NXN: variants seen among roughly 807,000 people sequenced by gnomAD.
The protein encoded by NXN is nucleoredoxin.
Under a neutral mutation model 48.6 loss-of-function variants are expected in NXN, and 16 were observed. The ratio of observed to expected loss-of-function variants is 0.33; its 90% CI spans 0.22 to 0.50. The LOEUF is 0.50. Ranked by LOEUF, NXN falls within the 20% of genes least tolerant of loss-of-function variation. The pLI, the probability that NXN is intolerant of heterozygous loss-of-function variation, is 0.98. For synonymous variants in NXN, 281 were observed against 269.6 expected (o/e 1.04, Z -0.41); for missense variants, 492 against 605.5 (o/e 0.81, Z 1.97).
In NXN at chr17:932,953, C is replaced by CAGCCT. The variant is rs55766590; in HGVS notation, c.360+46365_360+46366insAGGCT. Among the ~76,000 whole-genome samples the CAGCCT allele has an allele frequency of 1.3e-5, 2 of 152,144 alleles. No homozygotes were observed. The highest frequency in any genetic ancestry group is 2.9e-5 in the Non-Finnish European group (2 of 68,020). On this transcript the variant is annotated intron_variant, in intron 1 of 7. Coordinates refer to ENST00000336868, the MANE Select transcript of NXN (RefSeq NM_022463.5). This position sits in a 1 kb window ranked among gnomAD's most constrained non-coding sequence, Gnocchi z 4.1. ...GTGAGCCACCGCGCCCAGCCCAGCC[C>CAGCCT]GTCCTCTTGAACCTGCTCAGTTTCA... is the stretch of plus-strand genomic sequence containing the variant.
Position 932,076 on chromosome 17 carries a change from G to A in NXN, c.360+47243C>T, listed in dbSNP as rs1597252278. On this transcript the variant is annotated intron_variant, in intron 1 of 7. Coordinates refer to ENST00000336868, the MANE Select transcript of NXN (RefSeq NM_022463.5). The surrounding 1 kb of genome is among the most constrained non-coding windows in gnomAD (Gnocchi z 4.1). ...GGAGAATCGCTTGAACCTGGGAGAC[G>A]GAGGTTGCAGTGAGCTGAGATTGCA... Among the ~76,000 whole-genome samples the A allele has an allele frequency of 6.6e-6, 1 of 152,110 alleles. No homozygotes were observed. Among genetic ancestry groups the A allele is most frequent in the South Asian group, 2.1e-4 (1 of 4,816 alleles).
chr17:899,490 G>C (rs1216279822), intron 1 of NXN, among the ~76,000 whole-genome samples: 2 of 152,146 alleles, frequency 1.3e-5, no homozygotes, highest in Non-Finnish European at 2.9e-5. Context: ...GTATTACTGA[G>C]AGCTGCAAAG....
At chr17:858,583 C>A (rs908495013) in intron 1 of NXN, among the ~76,000 whole-genome samples, 1 of 151,862 alleles carries the variant, frequency 6.6e-6, no homozygotes, top group African/African-American at 2.4e-5. Flanking sequence ...AAAAAATTAG[C>A]CTGGCATGGT....
chr17:816,610 A>C (rs376376597), intron 5 of NXN, among the ~76,000 whole-genome samples: 7 of 152,206 alleles, frequency 4.6e-5, no homozygotes, highest in East Asian at 1.9e-4. Context: ...AAGCACTCAC[A>C]GTTCAACTGA....
intron 1 of NXN, among the ~76,000 whole-genome samples, chr17:912,321 A>C (rs553390517): frequency 1.3e-3 from 191 of 152,224 alleles, no homozygotes; most frequent in South Asian, 5.2e-3. Context: ...ACGTTGTTTG[A>C]GGGTCAACCG....
intron 1 of NXN, chr17:930,352 T>G (rs890296849): frequency 1.3e-5 from 2 of 152,056 alleles, no homozygotes; most frequent in African/African-American, 4.8e-5. Context: ...AAGAATCACT[T>G]GAAGCCGGGT....
At chr17:842,398 G>T in intron 1 of NXN, 3 of 435,472 alleles carry the variant, frequency 6.9e-6, no homozygotes, top group South Asian at 9.5e-5. Context: ...GAAATGCAGT[G>T]CTGCACATGG....
chr17:947,748 A>AG (rs2069060277), intron 1 of NXN, among the ~76,000 whole-genome samples: 2 of 150,540 alleles, frequency 1.3e-5, no homozygotes, highest in African/African-American at 4.9e-5. Context: ...AAAAAAAAAA[A>AG]AAAAAAGGGC....
rs1392555519 is a variant in NXN at position 970,038 on chromosome 17, T to C, written c.360+9281A>G. Among the ~76,000 whole-genome samples, 4 of 152,148 alleles carry C rather than the reference T, an allele frequency of 2.6e-5. 1 individual carries two copies. The highest frequency in any genetic ancestry group is 5.9e-5 in the Non-Finnish European group (4 of 68,030). On this transcript the variant is annotated intron_variant, in intron 1 of 7. Coordinates refer to ENST00000336868, the MANE Select transcript of NXN (RefSeq NM_022463.5). ...AGCGACGAAGTGAAGCTTACGTTGT[T>C]TTTTTAAAAGGACTTTCTGATGTAG...
chr17:859,084 G>C (rs953705559), intron 1 of NXN, among the ~76,000 whole-genome samples: 14 of 152,210 alleles, frequency 9.2e-5, no homozygotes, highest in African/African-American at 3.1e-4. Flanking sequence ...CTGTCTGGGA[G>C]AGTATCTTTA....
intron 1 of NXN, among the ~76,000 whole-genome samples, chr17:843,368 C>A (rs2067822349): frequency 1.3e-5 from 2 of 152,230 alleles, no homozygotes; most frequent in African/African-American, 4.8e-5. Flanking sequence ...GCTGGGAGCA[C>A]AAACGGCATA....
chr17:937,076 G>C (rs902774740), intron 1 of NXN, among the ~76,000 whole-genome samples: 2 of 151,936 alleles, frequency 1.3e-5, no homozygotes, highest in African/African-American at 4.8e-5. Flanking sequence ...TTTGCCTCCC[G>C]GGCTCAAGTG....
chr17:901,692 G>GT (rs796494672), intron 1 of NXN, among the ~76,000 whole-genome samples: 3 of 151,956 alleles, frequency 2.0e-5, no homozygotes, highest in East Asian at 1.9e-4. Flanking sequence ...CTTGCTGTTT[G>GT]TTTTTTTGTT....
intron 1 of NXN, among the ~76,000 whole-genome samples, chr17:940,455 AG>A (rs1303375336): frequency 1.3e-5 from 2 of 152,208 alleles, no homozygotes; most frequent in Non-Finnish European, 2.9e-5. Context: ...AGAAGGAAAA[AG>A]GGCCGTGGGC....
chr17:823,793 G>A, intron 2 of NXN, 28 bp from the exon 3 acceptor site: 1 of 1,613,850 alleles, frequency 6.2e-7, no homozygotes, highest in South Asian at 1.1e-5. Flanking sequence ...TGGTAAAAGA[G>A]GGCTTAGACC....
At chr17:935,962 C>G (rs139696542) in intron 1 of NXN, among the ~76,000 whole-genome samples, 1,861 of 152,054 alleles carry the variant, frequency 0.012, 49 homozygotes, top group African/African-American at 0.042. Context: ...TGTGGTGGTG[C>G]ATGCTTGTAA....
At chr17:815,612 G>C (rs1223127455) in intron 5 of NXN, among the ~76,000 whole-genome samples, 1 of 149,786 alleles carries the variant, frequency 6.7e-6, no homozygotes, top group African/African-American at 2.5e-5. Context: ...GTCCACTCTA[G>C]ATCCCTAAGC....
At chr17:882,552 G>A (rs542439535) in intron 1 of NXN, among the ~76,000 whole-genome samples, 3 of 152,148 alleles carry the variant, frequency 2.0e-5, no homozygotes, top group South Asian at 2.1e-4. Context: ...TGCAAGCTCC[G>A]CCTCCCGGGT....
intron 1 of NXN, among the ~76,000 whole-genome samples, chr17:911,365 A>T (rs1238219219): frequency 9.4e-6 from 1 of 106,940 alleles, no homozygotes; most frequent in Non-Finnish European, 1.8e-5. Flanking sequence ...TTTGAGACGG[A>T]GTCTCGCTCT....
Sources: gnomAD v4.1 joint callset for allele counts (sites outside exome capture counted in the v4.1 genomes callset) on GRCh38, gnomAD v4.1.1 for gene constraint, Gnocchi (gnomAD v3.1) non-coding constraint, MANE v1.5 for transcripts, NCBI Gene and HGNC (gene_info 2026-07-23, HGNC 2026-07-21) for gene names.